NAV2: variants seen among roughly 807,000 people sequenced by gnomAD.
The protein encoded by NAV2 is helicase, APC down-regulated 1.
In NAV2, 54 loss-of-function variants were observed where a neutral mutation model predicts 223.2. The ratio of observed to expected loss-of-function variants is 0.24; its 90% CI spans 0.19 to 0.30. NAV2 has a LOEUF of 0.30. Among genes scored for constraint, NAV2 ranks in the 10% least tolerant of loss-of-function variants. NAV2 has a pLI of 1.00. For synonymous variants in NAV2, 1,279 were observed against 1,239.3 expected (o/e 1.03, Z -0.67); for missense variants, 2,806 against 3,147.5 (o/e 0.89, Z 2.60).
intron 3 of NAV2, among the ~76,000 whole-genome samples, chr11:19,865,168 G>T (rs2062018410): frequency 6.6e-6 from 1 of 152,056 alleles, no homozygotes; most frequent in Non-Finnish European, 1.5e-5. Context: ...CTTTCACTCT[G>T]CCTCCCAACT....
chr11:19,853,390 G>A (rs1470699555), intron 3 of NAV2, among the ~76,000 whole-genome samples: 1 of 152,238 alleles, frequency 6.6e-6, no homozygotes, highest in Non-Finnish European at 1.5e-5. Context: ...GGAAAGGTTA[G>A]GATGCCTTCA....
chr11:19,999,271 A>G (rs552685191), intron 11 of NAV2, among the ~76,000 whole-genome samples: 2 of 152,342 alleles, frequency 1.3e-5, no homozygotes, highest in East Asian at 3.9e-4. Context: ...AGAGATAACC[A>G]TGGCCCAACT....
At chr11:20,114,900 T>TCCAAA in intron 37 of NAV2, 105 bp downstream of exon 37, 14 of 1,182,412 alleles carry the variant, frequency 1.2e-5, no homozygotes, top group Non-Finnish European at 1.5e-5. Flanking sequence ...AATCCAGCCT[T>TCCAAA]GCTTTGGAAG....
intron 1 of NAV2, among the ~76,000 whole-genome samples, chr11:19,564,404 T>G (rs1028575194): frequency 9.9e-5 from 15 of 152,196 alleles, no homozygotes; most frequent in African/African-American, 3.1e-4. Context: ...TGGCTGACAC[T>G]GGCTCTTCCC....
chr11:20,083,468 T>A (rs758178903), intron 26 of NAV2, among the ~76,000 whole-genome samples: 1 of 152,218 alleles, frequency 6.6e-6, no homozygotes, highest in Non-Finnish European at 1.5e-5. Flanking sequence ...TTTGGGATAA[T>A]GGTTTTTGTG....
intron 6 of NAV2, among the ~76,000 whole-genome samples, chr11:19,900,276 A>ACTTC (rs780451037): frequency 0.41 from 62,416 of 151,718 alleles, 15,356 homozygotes; most frequent in Non-Finnish European, 0.54. Context: ...TGGAGGAATA[A>ACTTC]ACAAGAAGTT....
chr11:19,967,313 G>C lies in NAV2; in HGVS notation c.2646-16812G>C, dbSNP rs77028194. 1.2e-3 allele frequency among the ~76,000 whole-genome samples: 175 copies of C among 151,968 alleles called. 5 individuals carry two copies. In the East Asian group the frequency reaches 0.029, roughly 25 times the overall value. On this transcript the variant is annotated intron_variant, in intron 10 of 37. Transcript: ENST00000349880. ...CTGGATTCATAGAATAAGAATATGG[G>C]AAGCAACAGAGTTTCTGCTAGCTAG... is the stretch of plus-strand genomic sequence containing the variant.
intron 1 of NAV2, among the ~76,000 whole-genome samples, chr11:19,585,452 G>A (rs1332830458): frequency 6.6e-6 from 1 of 152,150 alleles, no homozygotes; most frequent in South Asian, 2.1e-4. Context: ...GCTCCTTAGT[G>A]GATGCAGTTT....
At position 19,406,630 on chromosome 11, in the gene NAV2, C is replaced by T. The variant is rs1021112457; in HGVS notation, c.75+55603C>T. On this transcript the variant is annotated intron_variant, in intron 1 of 37. Coordinates refer to the NAV2 transcript ENST00000360655. ...TGTCCCCGGGAGGCTCTTCCTCTTT[C>T]CCCTCATCCAGCCTTCTTTTTTCTC... is the stretch of plus-strand genomic sequence containing the variant. Among the ~76,000 whole-genome samples, 24 of 152,176 alleles carry T rather than the reference C, an allele frequency of 1.6e-4. 1 individual carries two copies. The South Asian group carries it at 2.9e-3, about 18-fold the overall frequency.
chr11:19,448,146 C>T (rs1290593527), intron 1 of NAV2, among the ~76,000 whole-genome samples: 2 of 152,122 alleles, frequency 1.3e-5, no homozygotes, highest in Non-Finnish European at 2.9e-5. Context: ...ACCCTGTGCC[C>T]CTACCCCACC....
chr11:19,888,960 T>C (rs2041259622), intron 5 of NAV2, among the ~76,000 whole-genome samples: 1 of 152,266 alleles, frequency 6.6e-6, no homozygotes, highest in East Asian at 1.9e-4. Flanking sequence ...AATCTAGATG[T>C]CAGCTGGGGT....
Position 19,847,609 on chromosome 11 carries a change from C to G in NAV2, c.438+4686C>G, listed in dbSNP as rs895505586. On this transcript the variant is annotated intron_variant, in intron 3 of 37. Coordinates refer to ENST00000349880, the MANE Select transcript of NAV2 (RefSeq NM_145117.5). ...TCTTTGAAGCCTCATATTTCCTGTT[C>G]TATGAAGTGGGGTTGATAATAATAC... 5.3e-5 allele frequency among the ~76,000 whole-genome samples: 8 copies of G among 152,106 alleles called. No individual in the cohort carries two copies. The East Asian group carries it at 9.6e-4, about 18-fold the overall frequency.
chr11:19,577,155 G>A (rs183747849), intron 1 of NAV2, among the ~76,000 whole-genome samples: 8 of 152,352 alleles, frequency 5.3e-5, no homozygotes, highest in Admixed American at 2.6e-4. Flanking sequence ...GCCCTATGAC[G>A]TGGGTCTAAG....
chr11:19,932,148 C>G (rs767258127), intron 6 of NAV2, among the ~76,000 whole-genome samples: 1 of 143,288 alleles, frequency 7.0e-6, no homozygotes, highest in Non-Finnish European at 1.5e-5. Context: ...GAAATACTCA[C>G]TGAGCGCCAA....
At chr11:19,881,702 A>G (rs776314816) in intron 5 of NAV2, among the ~76,000 whole-genome samples, 1 of 152,082 alleles carries the variant, frequency 6.6e-6, no homozygotes, top group Non-Finnish European at 1.5e-5. Context: ...CTGCTCTCCT[A>G]TGCTCCTAGA....
At chr11:19,376,888 G>A (rs1307107483) in intron 1 of NAV2, among the ~76,000 whole-genome samples, 1 of 152,174 alleles carries the variant, frequency 6.6e-6, no homozygotes, top group Non-Finnish European at 1.5e-5. Context: ...TATTTCCCTG[G>A]GTTGTCCCAG....
intron 11 of NAV2, among the ~76,000 whole-genome samples, chr11:20,004,141 C>T (rs1415130826): frequency 3.9e-5 from 6 of 152,152 alleles, no homozygotes; most frequent in African/African-American, 1.2e-4. Flanking sequence ...CAGAAGCTCA[C>T]CTGGAATTCC....
chr11:19,371,369 T>C (rs1848463457), intron 1 of NAV2, among the ~76,000 whole-genome samples: 1 of 152,204 alleles, frequency 6.6e-6, no homozygotes, highest in Non-Finnish European at 1.5e-5. Context: ...CCTGTTTCCA[T>C]CTGATTCTAG....
chr11:19,996,463 A>G (rs1258784128), intron 11 of NAV2, among the ~76,000 whole-genome samples: 1 of 152,222 alleles, frequency 6.6e-6, no homozygotes, highest in Non-Finnish European at 1.5e-5. Context: ...AAGCTCTGCT[A>G]TTGCTGAGGG....
Sources: gnomAD v4.1 joint callset for allele counts (sites outside exome capture counted in the v4.1 genomes callset) on GRCh38, gnomAD v4.1.1 for gene constraint, MANE v1.5 for transcripts, NCBI Gene and HGNC (gene_info 2026-07-23, HGNC 2026-07-21) for gene names.